DLG5: variants seen among roughly 807,000 people sequenced by gnomAD.
DLG5 encodes discs large MAGUK scaffold protein 5.
A neutral mutation model predicts 189.8 loss-of-function variants in DLG5; 48 were observed. The ratio of observed to expected loss-of-function variants is 0.25; its 90% CI spans 0.20 to 0.32. The LOEUF is 0.32. Among genes scored for constraint, DLG5 ranks in the 10% least tolerant of loss-of-function variants. The pLI, the probability that DLG5 is intolerant of heterozygous loss-of-function variation, is 1.00. For synonymous variants in DLG5, 1,016 were observed against 1,054.1 expected, an observed-to-expected ratio of 0.96 and a Z score of 0.70; for missense variants, 2,160 against 2,544.7, an observed-to-expected ratio of 0.85 and a Z score of 3.25.
rs1000035458 is a variant in DLG5 at position 77,791,204 on chromosome 10, T to C, written c.*1236A>G. The C allele has an allele frequency of 6.6e-6, 1 of 152,592 alleles. No individual in the cohort carries two copies. 9.5% of individuals were successfully genotyped at this position (152,592 alleles called of 1,614,324 possible). ...ATTTCTCGCTAGTAAAATGAAATGT[T>C]AGGAACAGTATTAAAATATAGGTCC... On this transcript the variant is annotated 3_prime_UTR_variant, in exon 32 of 32. Transcript: ENST00000372391.
chr10:77,838,213 A>T (rs1036302917), intron 7 of DLG5, among the ~76,000 whole-genome samples: 24 of 152,166 alleles, frequency 1.6e-4, no homozygotes, highest in African/African-American at 5.3e-4. Flanking sequence ...CGGCAGGAGC[A>T]TGGGGGGCTG....
chr10:77,845,937 A>AG (rs1300833029), intron 5 of DLG5, among the ~76,000 whole-genome samples: 3 of 148,672 alleles, frequency 2.0e-5, no homozygotes, highest in African/African-American at 7.3e-5. Flanking sequence ...CTTTCTTTAA[A>AG]AAAAAAAAAA....
At chr10:77,810,589 C>G (rs1385798587) in intron 23 of DLG5, among the ~76,000 whole-genome samples, 1 of 152,234 alleles carries the variant, frequency 6.6e-6, no homozygotes, top group African/African-American at 2.4e-5. Context: ...TCTTTATGCC[C>G]ACTCTTGGCT....
chr10:77,799,532 C>G (rs573765051), intron 27 of DLG5, among the ~76,000 whole-genome samples: 83 of 152,334 alleles, frequency 5.4e-4, no homozygotes, highest in Non-Finnish European at 1.5e-4. Context: ...GCACCCAGAT[C>G]TCGGATTTCC....
At chr10:77,803,481 G>A (rs760720208) in intron 27 of DLG5, among the ~76,000 whole-genome samples, 12 of 152,146 alleles carry the variant, frequency 7.9e-5, no homozygotes, top group Non-Finnish European at 1.8e-4. Context: ...TGAAGTAAAA[G>A]AAAAAGATAA....
chr10:77,827,841 A>C (rs1262383785), intron 13 of DLG5, among the ~76,000 whole-genome samples: 1 of 152,222 alleles, frequency 6.6e-6, no homozygotes, highest in Non-Finnish European at 1.5e-5. Context: ...TACTGTACAT[A>C]AATAAGCAAA....
chr10:77,911,568 C>T (rs1846221884), intron 1 of DLG5, among the ~76,000 whole-genome samples: 1 of 152,212 alleles, frequency 6.6e-6, no homozygotes, highest in South Asian at 2.1e-4. Flanking sequence ...CAAATATGTG[C>T]AGATTTAATT....
intron 1 of DLG5, among the ~76,000 whole-genome samples, chr10:77,880,471 A>C (rs1216007318): frequency 6.6e-6 from 1 of 152,076 alleles, no homozygotes; most frequent in Non-Finnish European, 1.5e-5. Flanking sequence ...AAATAAAAAC[A>C]AACAAACAAA....
At chr10:77,928,766 C>T (rs2131894853), upstream of DLG5, 1 of 152,336 alleles carries the variant, frequency 6.6e-6, no homozygotes, top group African/African-American at 2.4e-5. Flanking sequence ...GTGGCTCACG[C>T]CTGTAATCCC....
chr10:77,814,099 T>C (rs1442781754), intron 20 of DLG5, among the ~76,000 whole-genome samples: 1 of 151,982 alleles, frequency 6.6e-6, no homozygotes, highest in Non-Finnish European at 1.5e-5. Flanking sequence ...TGCCTCAGCC[T>C]CTCAAGTAGC....
intron 1 of DLG5, among the ~76,000 whole-genome samples, chr10:77,923,275 G>C (rs1846588522): frequency 6.6e-6 from 1 of 152,346 alleles, no homozygotes; most frequent in East Asian, 1.9e-4. Context: ...AATCACTCAG[G>C]AGTGGAAGGA....
intron 27 of DLG5, 49 bp downstream of exon 27, chr10:77,805,616 A>G: frequency 6.4e-7 from 1 of 1,555,764 alleles, no homozygotes; most frequent in Middle Eastern, 2.0e-4. Context: ...CTGGATCCAC[A>G]GCAAGCCCCA....
At chr10:77,888,232 A>G (rs1845499983) in intron 1 of DLG5, among the ~76,000 whole-genome samples, 1 of 152,202 alleles carries the variant, frequency 6.6e-6, no homozygotes, top group Non-Finnish European at 1.5e-5. Context: ...CAGGGAGAGC[A>G]GAATGAATTA....
rs982348611 is a variant in DLG5, at chr10:77,796,026, T to A, written c.5436+35A>T. 1.2e-6 allele frequency: 2 copies of A among 1,613,896 alleles called. No homozygotes were observed. The highest frequency in any genetic ancestry group is 1.3e-5 in the African/African-American group (1 of 74,942). On this transcript the variant is annotated intron_variant, in intron 29 of 31. Coordinates refer to ENST00000372391, the MANE Select transcript of DLG5 (RefSeq NM_004747.4). The surrounding 1 kb of genome is among the most constrained non-coding windows in gnomAD (Gnocchi z 5.2). ...GACCTGTGCACAGGAGGTCTAATACTGGATGCCTAATCCTCAGACTGAAGC... is the reference window on the plus strand; with the variant it reads ...GACCTGTGCACAGGAGGTCTAATACAGGATGCCTAATCCTCAGACTGAAGC...
rs186981671 is a variant in DLG5 at position 77,866,085 on chromosome 10, C to T, written c.373+3044G>A. Among the ~76,000 whole-genome samples, 93 of 152,272 alleles carry T rather than the reference C, an allele frequency of 6.1e-4. 2 individuals are homozygous for T. The highest frequency in any genetic ancestry group is 2.2e-3 in the African/African-American group (93 of 41,542). The stretch of plus-strand genomic sequence containing the variant: ...ATCACCATGTGACCTTACCAGCGGC[C>T]CCTCCTGCCAGGGCGGTGTGTGCTT... On this transcript the variant is annotated intron_variant, in intron 2 of 31. Transcript: ENST00000372391.
intron 16 of DLG5, chr10:77,819,692 G>T: frequency 9.4e-7 from 1 of 1,064,598 alleles, no homozygotes; most frequent in Non-Finnish European, 1.3e-6. Context: ...AGGTTGCTAT[G>T]GGGAGAAAGC....
chr10:77,929,970 T>C (rs1846771090), upstream of DLG5: 1 of 152,230 alleles, frequency 6.6e-6, no homozygotes, highest in Admixed American at 6.5e-5. Context: ...ATCACTTCAC[T>C]CTTCTACTGC....
chr10:77,850,122 C>T (rs1016074686), intron 5 of DLG5, among the ~76,000 whole-genome samples: 6 of 152,132 alleles, frequency 3.9e-5, no homozygotes, highest in Non-Finnish European at 8.8e-5. Flanking sequence ...GTTATGAATC[C>T]ACAAAGTTGT....
At chr10:77,914,293 C>A (rs573694241) in intron 1 of DLG5, among the ~76,000 whole-genome samples, 1 of 152,292 alleles carries the variant, frequency 6.6e-6, no homozygotes, top group East Asian at 1.9e-4. Flanking sequence ...GGCCTATGCC[C>A]TGGGATGCCT....
Sources: allele counts gnomAD v4.1 joint callset (sites outside exome capture counted in the v4.1 genomes callset), GRCh38; gene constraint gnomAD v4.1.1; non-coding constraint Gnocchi (gnomAD v3.1); transcripts MANE v1.5; gene names NCBI Gene and HGNC (gene_info 2026-07-23, HGNC 2026-07-21).